Variants in OARD1 observed in about 807,000 individuals in gnomAD.
OARD1 encodes the protein O-acyl-ADP-ribose deacylase 1, also known as ADP-ribose glycohydrolase OARD1.
A neutral mutation model predicts 19.7 loss-of-function variants in OARD1; 19 were observed. The observed-to-expected ratio is 0.96, with a 90% confidence interval of 0.67 to 1.41. The LOEUF (loss-of-function observed/expected upper bound fraction) is 1.41, where lower values mean the gene tolerates loss of function less well. OARD1 is among the 40% of genes most tolerant of loss of function. The pLI is 0.00. For synonymous variants in OARD1, 70 were observed against 61.8 expected (o/e 1.13, Z -0.62); for missense variants, 190 against 183.8 (o/e 1.03, Z -0.20).
At chr6:41,096,874 T>A (rs1764372148) in intron 1 of OARD1, among the ~76,000 whole-genome samples, 2 of 152,206 alleles carry the variant, frequency 1.3e-5, no homozygotes, top group Non-Finnish European at 2.9e-5. Flanking sequence ...GCAAATCACT[T>A]TACCCATCTG....
At position 41,072,261 on chromosome 6, in the gene OARD1, G is replaced by A. The variant is rs1198504898; in HGVS notation, c.-67C>T. 6.5e-6 allele frequency: 1 copy of A among 152,798 alleles called. No homozygotes were observed. Among genetic ancestry groups the A allele is most frequent in the African/African-American group, 2.4e-5 (1 of 41,464 alleles). The allele number at this position is 152,798 out of a possible 1,614,324, so 9.5% of individuals were successfully genotyped here. ...CCTAGGGCGGGTCAGCGAGGACGCA[G>A]TCTGTCCTGGGGTCCTATGGGAGGG... On this transcript the variant is annotated 5_prime_UTR_variant, in exon 1 of 6. Transcript: ENST00000424266.
upstream of OARD1, among the ~76,000 whole-genome samples, chr6:41,075,002 G>C (rs1367990019): frequency 6.6e-6 from 1 of 151,416 alleles, no homozygotes; most frequent in Non-Finnish European, 1.5e-5. Flanking sequence ...CAGAAAACTC[G>C]TATTCCAGTG....
chr6:41,092,818 C>A, intron 1 of OARD1: 1 of 1,339,474 alleles, frequency 7.5e-7, no homozygotes, highest in Non-Finnish European at 1.0e-6. Flanking sequence ...CTTTTTGTGG[C>A]ATTTACAAAA....
At chr6:41,079,139 T>C in intron 1 of OARD1, 3 of 1,614,180 alleles carry the variant, frequency 1.9e-6, no homozygotes, top group Non-Finnish European at 2.5e-6. Flanking sequence ...CAGATTGTTG[T>C]CCAGGCAGGA....
intron 4 of OARD1, 91 bp from the exon 5 acceptor site, chr6:41,069,044 G>A (rs1214409758): frequency 6.2e-6 from 4 of 647,750 alleles, no homozygotes; most frequent in South Asian, 2.1e-5. Flanking sequence ...AATTAAAAGA[G>A]TAAGCACATT....
rs1183035196 is a variant in OARD1, at chr6:41,071,274, G to A, written c.42C>T (p.Ile14=). The change falls in exon 3 of 6, where the codon ATC becomes ATT. Residue 14 remains isoleucine, a splice_region_variant and synonymous_variant. Transcript: ENST00000424266. ...CAAAAAGGTCTCCTTTCACATAAGT[G>A]ATCTAAAAAATGTGCAAAGGAAAAG... The part of the protein sequence containing the change: ...SLNEDPEGSR[I]TYVKGDLFAC... The A allele has an allele frequency of 1.2e-6, 2 of 1,612,620 alleles. No homozygotes were observed. The highest frequency in any genetic ancestry group is 1.7e-6 in the Non-Finnish European group (2 of 1,179,280).
chr6:41,074,107 G>GT (rs996598506), upstream of OARD1, among the ~76,000 whole-genome samples: 2 of 151,972 alleles, frequency 1.3e-5, no homozygotes, highest in Non-Finnish European at 2.9e-5. Flanking sequence ...AGTTTTGGGG[G>GT]TTTTTTTTCC....
At chr6:41,085,431 A>G (rs1310991561) in intron 1 of OARD1, among the ~76,000 whole-genome samples, 4 of 152,188 alleles carry the variant, frequency 2.6e-5, no homozygotes, top group Non-Finnish European at 5.9e-5. Flanking sequence ...ATATTGAAAT[A>G]TTTTTAGTGG....
At chr6:41,081,121 A>G (rs1291358870) in intron 1 of OARD1, among the ~76,000 whole-genome samples, 1 of 152,198 alleles carries the variant, frequency 6.6e-6, no homozygotes, top group Non-Finnish European at 1.5e-5. Context: ...TTTGACTAGC[A>G]TGTTTCTTTG....
intron 4 of OARD1, chr6:41,069,307 G>A (rs1249552718): frequency 6.2e-6 from 1 of 161,034 alleles, no homozygotes; most frequent in Non-Finnish European, 1.3e-5. Context: ...AGGGAAGAAA[G>A]CATACCACCT....
Position 41,066,967 on chromosome 6 carries a change from C to T in OARD1, c.*368G>A, listed in dbSNP as rs1763039192. 1 of 156,414 alleles carries T rather than the reference C, an allele frequency of 6.4e-6. No individual in the cohort carries two copies. The highest frequency in any genetic ancestry group is 2.0e-4 in the South Asian group (1 of 4,998). 9.7% of individuals were successfully genotyped at this position (156,414 alleles called of 1,614,324 possible). A position where few individuals can be genotyped will look rare whatever the true frequency, so the allele number is the denominator to read the frequency against. ...AAAATGCCAAACTAACTGGAATGAT[C>T]ATCCTTCCTGAAATTTCTCTTAAAA... On this transcript the variant is annotated 3_prime_UTR_variant, in exon 6 of 6. Transcript: ENST00000424266.
intron 1 of OARD1, among the ~76,000 whole-genome samples, chr6:41,077,825 A>G (rs1763782856): frequency 6.6e-6 from 1 of 152,208 alleles, no homozygotes; most frequent in Non-Finnish European, 1.5e-5. Flanking sequence ...GCTTTGGAGA[A>G]CCATATGGCC....
At chr6:41,078,341 T>G (rs1763797744) in intron 1 of OARD1, among the ~76,000 whole-genome samples, 1 of 152,188 alleles carries the variant, frequency 6.6e-6, no homozygotes, top group Admixed American at 6.5e-5. Context: ...AGCAGCTCAG[T>G]TAGGTCACGT....
At chr6:41,091,538 T>C (rs556223902) in intron 1 of OARD1, 1 of 1,613,606 alleles carries the variant, frequency 6.2e-7, no homozygotes, top group African/African-American at 1.3e-5. Flanking sequence ...TTACAGTCCC[T>C]GTTTCAGGCA....
At chr6:41,092,529 G>C (rs1030740600) in intron 1 of OARD1, among the ~76,000 whole-genome samples, 1 of 152,178 alleles carries the variant, frequency 6.6e-6, no homozygotes, top group South Asian at 2.1e-4. Flanking sequence ...TGAATTATAA[G>C]TTAACTATTA....
intron 5 of OARD1, 120 bp downstream of exon 5, chr6:41,068,721 G>T (rs1763156964): frequency 5.3e-6 from 3 of 568,120 alleles, no homozygotes; most frequent in Non-Finnish European, 5.9e-6. Context: ...ACAAAATTTT[G>T]ACTTTTGTCC....
chr6:41,091,685 G>A (rs1764199340), intron 1 of OARD1: 1 of 1,610,446 alleles, frequency 6.2e-7, no homozygotes, highest in Admixed American at 1.7e-5. Flanking sequence ...ATTCAGGAGG[G>A]ATGGTCATGG....
intron 2 of OARD1, 109 bp downstream of exon 2, chr6:41,071,487 G>C (rs972526586): frequency 4.1e-5 from 46 of 1,124,070 alleles, no homozygotes; most frequent in Non-Finnish European, 6.0e-5. Flanking sequence ...AAATCAGCTA[G>C]AGAGAAAAAA....
At chr6:41,094,578 C>A in intron 1 of OARD1, 1 of 1,013,536 alleles carries the variant, frequency 9.9e-7, no homozygotes, top group Non-Finnish European at 1.5e-6. Context: ...TGTCCTCTTG[C>A]TATTTTCCTA....
Sources: allele counts gnomAD v4.1 joint callset (sites outside exome capture counted in the v4.1 genomes callset), GRCh38; gene constraint gnomAD v4.1.1; transcripts MANE v1.5; gene names NCBI Gene and HGNC (gene_info 2026-07-23, HGNC 2026-07-21).